Variants in GCNT2 observed in about 807,000 individuals in gnomAD.
GCNT2 encodes N-acetyllactosaminide beta-1,6-N-acetylglucosaminyl-transferase.
GCNT2 carries 34 observed loss-of-function variants against 34.2 expected under a neutral mutation model. That is an observed-to-expected ratio of 1.00 (90% CI 0.76 to 1.32). GCNT2 has a LOEUF of 1.32. Ranked by LOEUF, GCNT2 falls within the 40% of genes most tolerant of loss-of-function variation. GCNT2 has a pLI of 0.00. For synonymous variants in GCNT2, 212 were observed against 188.0 expected (o/e 1.13, Z -1.04); for missense variants, 584 against 489.4 (o/e 1.19, Z -1.82).
intron 3 of GCNT2, among the ~76,000 whole-genome samples, chr6:10,613,436 T>G (rs1328440129): frequency 2.0e-5 from 3 of 152,242 alleles, no homozygotes; most frequent in East Asian, 3.9e-4. Context: ...AGGATTCTTG[T>G]GAATGAAGGG....
At chr6:10,574,959 A>T (rs1423492785) in intron 3 of GCNT2, 5 of 723,568 alleles carry the variant, frequency 6.9e-6, no homozygotes, top group Non-Finnish European at 1.3e-5. Flanking sequence ...CAATACACAC[A>T]TTAATTCTCT....
At chr6:10,565,679 C>G (rs975620576) in intron 3 of GCNT2, among the ~76,000 whole-genome samples, 3 of 152,192 alleles carry the variant, frequency 2.0e-5, no homozygotes, top group Admixed American at 1.3e-4. Context: ...CTACCTTTCT[C>G]TACCTACAAC....
chr6:10,551,780 G>A (rs919376198), intron 3 of GCNT2, among the ~76,000 whole-genome samples: 30 of 148,510 alleles, frequency 2.0e-4, no homozygotes, highest in Admixed American at 4.7e-4. Flanking sequence ...CTTTTGAGAC[G>A]CAGTTTCGCT....
chr6:10,562,749 T>A (rs1763061672), intron 3 of GCNT2, among the ~76,000 whole-genome samples: 1 of 151,536 alleles, frequency 6.6e-6, no homozygotes, highest in African/African-American at 2.4e-5. Flanking sequence ...TCACCAACAT[T>A]TCTTGGGTCC....
chr6:10,532,196 G>T (rs961743160), intron 3 of GCNT2, among the ~76,000 whole-genome samples: 1 of 152,116 alleles, frequency 6.6e-6, no homozygotes, highest in East Asian at 1.9e-4. Context: ...CAGAGTCTGT[G>T]ATCCTAATCA....
At chr6:10,593,399 A>ATT (rs778287538) in intron 3 of GCNT2, among the ~76,000 whole-genome samples, 1 of 152,100 alleles carries the variant, frequency 6.6e-6, no homozygotes, top group Non-Finnish European at 1.5e-5. Flanking sequence ...GTGCAGTGGC[A>ATT]TTAATTTAGC....
At chr6:10,584,470 T>C (rs572630108) in intron 3 of GCNT2, among the ~76,000 whole-genome samples, 7 of 152,052 alleles carry the variant, frequency 4.6e-5, no homozygotes, top group South Asian at 2.1e-4. Flanking sequence ...ATTGAGGCCT[T>C]CTTCTTTCAC....
intron 1 of GCNT2, among the ~76,000 whole-genome samples, chr6:10,525,032 T>C (rs1015834380): frequency 2.0e-5 from 3 of 151,970 alleles, no homozygotes; most frequent in Non-Finnish European, 4.4e-5. Context: ...AAAATGAATA[T>C]GTGAAAAGTG....
chr6:10,627,716 C>A lies in GCNT2; in HGVS notation c.*1109C>A, dbSNP rs532972840. On this transcript the variant is annotated 3_prime_UTR_variant, in exon 5 of 5. Transcript: ENST00000495262. Reference sequence around the variant, plus strand: ...ATAAGAGCTTTTTCACTCTAAAAATCTTGGCAATAATGTCAACACCAGAAA... The same window carrying A: ...ATAAGAGCTTTTTCACTCTAAAAATATTGGCAATAATGTCAACACCAGAAA... 2.0e-5 allele frequency: 3 copies of A among 152,184 alleles called. No individual in the cohort carries two copies. Among genetic ancestry groups the A allele is most frequent in the South Asian group, 2.1e-4 (1 of 4,820 alleles). 9.4% of individuals were successfully genotyped at this position (152,184 alleles called of 1,614,324 possible).
At chr6:10,575,439 G>A (rs1763764491) in intron 3 of GCNT2, among the ~76,000 whole-genome samples, 1 of 147,444 alleles carries the variant, frequency 6.8e-6, no homozygotes, top group Non-Finnish European at 1.5e-5. Context: ...TCAGCTCACT[G>A]CATCCTCCGA....
chr6:10,585,072 TG>T lies in GCNT2; in HGVS notation c.926-36278del, dbSNP rs1561818549. On this transcript the variant is annotated intron_variant, in intron 3 of 4. Coordinates refer to ENST00000495262, the MANE Select transcript of GCNT2 (RefSeq NM_145649.5). Reference sequence around the variant, plus strand: ...GTGTGTGTGTGTGTGTGTGTGTGTGTGTGTGTGCGCGCTATATTCTGACACA... The same window carrying T: ...GTGTGTGTGTGTGTGTGTGTGTGTGTTGTGTGCGCGCTATATTCTGACACA... Among the ~76,000 whole-genome samples the T allele has an allele frequency of 7.6e-4, 76 of 100,264 alleles. 1 individual carries two copies. The highest frequency in any genetic ancestry group is 3.8e-3 in the African/African-American group (72 of 18,736). 65.8% of individuals were successfully genotyped at this position (100,264 alleles called of 152,430 possible). A position where few individuals can be genotyped will look rare whatever the true frequency, so the allele number is the denominator to read the frequency against.
chr6:10,569,271 A>ACACACACACACACACACACC (rs1561806901), intron 3 of GCNT2, among the ~76,000 whole-genome samples: 27 of 142,466 alleles, frequency 1.9e-4, no homozygotes, highest in African/African-American at 6.1e-4. Context: ...ACACACACAC[A>ACACACACACACACACACACC]CACCCCCTAG....
intron 3 of GCNT2, chr6:10,575,118 CCTTT>C: frequency 2.1e-6 from 1 of 470,104 alleles, no homozygotes; most frequent in Admixed American, 2.6e-5. Flanking sequence ...TGCAATGTCA[CCTTT>C]CTTATAGATT....
At chr6:10,533,653 G>A (rs1344093636) in intron 3 of GCNT2, among the ~76,000 whole-genome samples, 1 of 151,416 alleles carries the variant, frequency 6.6e-6, no homozygotes, top group Non-Finnish European at 1.5e-5. Context: ...GCCAGGCGTG[G>A]TAGCTTGTGC....
rs1765744674 is a variant in GCNT2 at position 10,616,054 on chromosome 6, T to TA, written c.926-5296dup. On this transcript the variant is annotated intron_variant, in intron 3 of 4. Transcript: ENST00000495262. Reference sequence around the variant, plus strand: ...AGCTGCGGACTCTCGCAGTGAGTGTTACAGTTCTTAAAAGCAGCGGGTCTG... The same window carrying TA: ...AGCTGCGGACTCTCGCAGTGAGTGTTAACAGTTCTTAAAAGCAGCGGGTCTG... Among the ~76,000 whole-genome samples, 3 of 152,380 alleles carry TA rather than the reference T, an allele frequency of 2.0e-5. No individual in the cohort carries two copies. The Middle Eastern group carries it at 0.01, about 518-fold the overall frequency.
chr6:10,553,740 A>G (rs1762576178), intron 3 of GCNT2, among the ~76,000 whole-genome samples: 1 of 152,126 alleles, frequency 6.6e-6, no homozygotes, highest in South Asian at 2.1e-4. Context: ...CTACAAATAC[A>G]AAAATTAGCT....
At chr6:10,553,475 A>T (rs910043608) in intron 3 of GCNT2, among the ~76,000 whole-genome samples, 2 of 152,234 alleles carry the variant, frequency 1.3e-5, no homozygotes, top group African/African-American at 4.8e-5. Flanking sequence ...GGAGGAGGGC[A>T]ATCTTTTCCC....
rs570570732 is a variant in GCNT2 at position 10,599,903 on chromosome 6, T to A, written c.926-21448T>A. ...ATGAAGTTTTTTTGAGTGGAAGATA[T>A]GAAAGAAGCAGAAACTCAGGCTCCT... On this transcript the variant is annotated intron_variant, in intron 3 of 4. Coordinates refer to ENST00000495262, the MANE Select transcript of GCNT2 (RefSeq NM_145649.5). Among the ~76,000 whole-genome samples the A allele has an allele frequency of 2.6e-5, 4 of 152,124 alleles. No individual in the cohort carries two copies. In the South Asian group the frequency reaches 8.3e-4, roughly 32 times the overall value.
At chr6:10,616,228 C>T (rs1765753699) in intron 3 of GCNT2, among the ~76,000 whole-genome samples, 1 of 152,102 alleles carries the variant, frequency 6.6e-6, no homozygotes, top group Admixed American at 6.5e-5. Context: ...TTGTTCCTAC[C>T]AGTGGGTTCG....
Sources: allele counts gnomAD v4.1 joint callset (sites outside exome capture counted in the v4.1 genomes callset), GRCh38; gene constraint gnomAD v4.1.1; transcripts MANE v1.5; gene names NCBI Gene and HGNC (gene_info 2026-07-23, HGNC 2026-07-21).